PTPRS: variants seen among roughly 807,000 people sequenced by gnomAD.
PTPRS encodes the protein receptor-type tyrosine-protein phosphatase S.
In PTPRS, 63 loss-of-function variants were observed where a neutral mutation model predicts 215.3. The observed-to-expected ratio is 0.29, with a 90% CI of 0.24 to 0.36. The LOEUF is 0.36. Among genes scored for constraint, PTPRS ranks in the 10% least tolerant of loss-of-function variants. The pLI, the probability that PTPRS is intolerant of heterozygous loss-of-function variation, is 1.00. For missense variants in PTPRS, 2,258 were observed against 2,825.8 expected (o/e 0.80, Z 4.56); for synonymous variants, 1,404 against 1,191.4 (o/e 1.18, Z -3.68).
At chr19:5,279,079 A>G (rs1320690920) in intron 2 of PTPRS, among the ~76,000 whole-genome samples, 2 of 151,644 alleles carry the variant, frequency 1.3e-5, no homozygotes, top group African/African-American at 2.4e-5. Flanking sequence ...CCCGCTACTC[A>G]GGAGGCTGAG....
intron 24 of PTPRS, 95 bp from the exon 25 acceptor site, chr19:5,218,627 AC>A (rs1169911562): frequency 6.6e-7 from 1 of 1,522,002 alleles, no homozygotes; most frequent in African/African-American, 1.4e-5. Flanking sequence ...TAAGAAAAGG[AC>A]CATGGACCCG....
At chr19:5,229,910 C>CCT (rs1555761318) in intron 14 of PTPRS, among the ~76,000 whole-genome samples, 1 of 151,940 alleles carries the variant, frequency 6.6e-6, no homozygotes, top group Non-Finnish European at 1.5e-5. Flanking sequence ...AGGCTGCCCC[C>CCT]CCCCGAGTCT....
In PTPRS at chr19:5,230,370, T is replaced by G. The variant is rs567144509; in HGVS notation, c.2156-686A>C. ...TGGCATGCAGTGGCAGGATCACGGCTCACTGCAGCTTTGAACTCCTGGGCT... is the reference window on the plus strand; with the variant it reads ...TGGCATGCAGTGGCAGGATCACGGCGCACTGCAGCTTTGAACTCCTGGGCT... On this transcript the variant is annotated intron_variant, in intron 14 of 37. Coordinates refer to ENST00000262963, the MANE Select transcript of PTPRS (RefSeq NM_002850.4). Among the ~76,000 whole-genome samples, 11 of 152,328 alleles carry G rather than the reference T, an allele frequency of 7.2e-5. No homozygotes were observed. The South Asian group carries it at 2.1e-3, about 29-fold the overall frequency.
Position 5,210,333 on chromosome 19 carries a change from A to G in PTPRS, c.5487+136T>C, listed in dbSNP as rs1424380504. On this transcript the variant is annotated intron_variant, in intron 35 of 37. Transcript: ENST00000262963. The surrounding 1 kb of genome is among the most constrained non-coding windows in gnomAD (Gnocchi z 4.5). Reference sequence around the variant, plus strand: ...ATGTGGCAGTAGAAGCAAGTGGCCAACTGGTCAGCTGACACTTCTCCTGAT... The same window carrying G: ...ATGTGGCAGTAGAAGCAAGTGGCCAGCTGGTCAGCTGACACTTCTCCTGAT... The G allele has an allele frequency of 7.6e-6, 10 of 1,318,364 alleles. No individual in the cohort carries two copies. The highest frequency in any genetic ancestry group is 9.5e-6 in the Non-Finnish European group (9 of 946,364). The allele number at this position is 1,318,364 out of a possible 1,614,324, so 81.7% of individuals were successfully genotyped here. A position where few individuals can be genotyped will look rare whatever the true frequency, so the allele number is the denominator to read the frequency against.
rs200001421 is a variant in PTPRS at position 5,299,946 on chromosome 19, G to GAA, written c.-94-13714_-94-13713dup. Among the ~76,000 whole-genome samples the GAA allele has an allele frequency of 5.0e-3, 761 of 151,916 alleles. 7 individuals are homozygous for GAA. Among genetic ancestry groups the GAA allele is most frequent in the African/African-American group, 0.018 (743 of 41,436 alleles). ...ATGTGACTCATTAAACTTAAATGAA[G>GAA]AAAAATTAAATAGGCCGGGTGCCAT... is the stretch of plus-strand genomic sequence containing the variant. On this transcript the variant is annotated intron_variant, in intron 1 of 37. Transcript: ENST00000262963.
At chr19:5,260,336 T>C (rs1370090839) in intron 7 of PTPRS, among the ~76,000 whole-genome samples, 2 of 151,992 alleles carry the variant, frequency 1.3e-5, no homozygotes, top group African/African-American at 4.8e-5. Flanking sequence ...CCCACCACCA[T>C]GCCCGGCTAA....
chr19:5,248,178 T>G (rs892706548), intron 9 of PTPRS, among the ~76,000 whole-genome samples: 2 of 151,960 alleles, frequency 1.3e-5, no homozygotes, highest in Non-Finnish European at 2.9e-5. Flanking sequence ...AAGGCTGAGT[T>G]GTCATGGAAA....
intron 1 of PTPRS, among the ~76,000 whole-genome samples, chr19:5,336,414 C>T (rs2147318595): frequency 6.6e-6 from 1 of 152,130 alleles, no homozygotes; most frequent in African/African-American, 2.4e-5. Flanking sequence ...ATCCCCTACA[C>T]TTCACTTCCT....
intron 1 of PTPRS, among the ~76,000 whole-genome samples, chr19:5,296,171 A>G (rs1375627203): frequency 6.6e-6 from 1 of 152,178 alleles, no homozygotes. Context: ...TGGATGCTCT[A>G]AAGAGGGTGA....
intron 1 of PTPRS, among the ~76,000 whole-genome samples, chr19:5,320,374 C>A (rs2049994088): frequency 6.6e-6 from 1 of 152,220 alleles, no homozygotes; most frequent in Non-Finnish European, 1.5e-5. Context: ...GCTTATCCGG[C>A]TCCCGGGAAG....
intron 28 of PTPRS, 77 bp downstream of exon 28, chr19:5,215,212 C>T: frequency 6.3e-7 from 1 of 1,578,420 alleles, no homozygotes; most frequent in South Asian, 1.1e-5. Flanking sequence ...GCCTCAGTGG[C>T]CCAAGGGGAG....
intron 1 of PTPRS, among the ~76,000 whole-genome samples, chr19:5,296,504 A>T (rs1370926876): frequency 1.3e-5 from 2 of 152,126 alleles, no homozygotes; most frequent in Non-Finnish European, 2.9e-5. Flanking sequence ...CTATCTCTAA[A>T]AAAATGTAAA....
intron 17 of PTPRS, 131 bp from the exon 18 acceptor site, chr19:5,223,428 T>C (rs2042191208): frequency 1.8e-6 from 2 of 1,142,348 alleles, no homozygotes; most frequent in Non-Finnish European, 1.2e-6. Context: ...TCTTACTCTG[T>C]TGCCCAGCCT....
intron 1 of PTPRS, among the ~76,000 whole-genome samples, chr19:5,320,305 G>GA (rs141709726): frequency 0.027 from 4,076 of 152,338 alleles, 179 homozygotes; most frequent in East Asian, 0.18. Flanking sequence ...CCCAGTGGGA[G>GA]AGGGGGTACA....
intron 13 of PTPRS, among the ~76,000 whole-genome samples, chr19:5,235,851 T>A (rs1462157335): frequency 6.6e-6 from 1 of 152,198 alleles, no homozygotes; most frequent in Non-Finnish European, 1.5e-5. Flanking sequence ...TGTCTGTGTG[T>A]TAAAGGCTTA....
chr19:5,248,812 T>G (rs1568477263), intron 9 of PTPRS, among the ~76,000 whole-genome samples: 1 of 152,136 alleles, frequency 6.6e-6, no homozygotes, highest in Non-Finnish European at 1.5e-5. Context: ...AGGTCCCCCA[T>G]CCTCCTGGAG....
intron 1 of PTPRS, among the ~76,000 whole-genome samples, chr19:5,300,775 A>C (rs904527938): frequency 6.6e-6 from 1 of 151,400 alleles, no homozygotes; most frequent in African/African-American, 2.4e-5. Context: ...CTCAAAAAAA[A>C]AAAAAAAAAA....
intron 1 of PTPRS, among the ~76,000 whole-genome samples, chr19:5,322,898 A>AG (rs1555810352): frequency 1.7e-5 from 2 of 120,286 alleles, no homozygotes; most frequent in African/African-American, 6.1e-5. Context: ...AAAAAAAAAA[A>AG]AAGAAGAAGA....
In PTPRS at chr19:5,206,757, T is replaced by C; in HGVS notation, c.*17A>G. ...CATCCGGGGCCAGTGGTGTCGGGCC[T>C]GGGGGGAACCATGGCTTTAGGTTGC... On this transcript the variant is annotated 3_prime_UTR_variant, in exon 38 of 38. Transcript: ENST00000262963. The C allele has an allele frequency of 6.2e-7, 1 of 1,611,750 alleles. No individual in the cohort carries two copies. The highest frequency in any genetic ancestry group is 8.5e-7 in the Non-Finnish European group (1 of 1,178,076).
Sources: gnomAD v4.1 joint callset for allele counts (sites outside exome capture counted in the v4.1 genomes callset) on GRCh38, gnomAD v4.1.1 for gene constraint, Gnocchi (gnomAD v3.1) non-coding constraint, MANE v1.5 for transcripts, NCBI Gene and HGNC (gene_info 2026-07-23, HGNC 2026-07-21) for gene names.